The following TNNI3K variants were observed in gnomAD, a reference collection of about 807,000 sequenced individuals.
The protein encoded by TNNI3K is serine/threonine-protein kinase TNNI3K.
In TNNI3K, 140 loss-of-function variants were observed where a neutral mutation model predicts 114.5. That is an observed-to-expected ratio of 1.22 (90% CI 1.07 to 1.41). The LOEUF is 1.41. Among genes scored for constraint, TNNI3K ranks in the 40% most tolerant of loss-of-function variants. The pLI, the probability that TNNI3K is intolerant of heterozygous loss-of-function variation, is 0.00. For synonymous variants in TNNI3K, 347 were observed against 347.5 expected (o/e 1.00, Z 0.02); for missense variants, 1,125 against 1,007.6 (o/e 1.12, Z -1.58).
At chr1:74,424,619 T>C (rs1381337064) in intron 17 of TNNI3K, among the ~76,000 whole-genome samples, 1 of 149,882 alleles carries the variant, frequency 6.7e-6, no homozygotes, top group Non-Finnish European at 1.5e-5. Flanking sequence ...CTTGAGAGGC[T>C]GAGGCAAGAG....
chr1:74,423,610 G>A (rs1307120572), intron 17 of TNNI3K, among the ~76,000 whole-genome samples: 1 of 152,124 alleles, frequency 6.6e-6, no homozygotes, highest in Middle Eastern at 3.2e-3. Context: ...TAAATGAGAT[G>A]AGGCATTCAA....
Position 74,326,412 on chromosome 1 carries a change from CA to C in TNNI3K, c.445-5033del, listed in dbSNP as rs149430014. ...CAAATAAGTTAAAGTTATACTGTAGCAAAAACATTTAACAAGAAATAACAGT... is the reference window on the plus strand; with the variant it reads ...CAAATAAGTTAAAGTTATACTGTAGCAAAACATTTAACAAGAAATAACAGT... On this transcript the variant is annotated intron_variant, in intron 5 of 24. Transcript: ENST00000326637. Among the ~76,000 whole-genome samples the C allele has an allele frequency of 6.2e-3, 936 of 152,158 alleles. 11 individuals are homozygous for C. Among genetic ancestry groups the C allele is most frequent in the African/African-American group, 0.022 (896 of 41,502 alleles).
chr1:74,327,990 A>G (rs1426015256), intron 5 of TNNI3K, among the ~76,000 whole-genome samples: 1 of 151,958 alleles, frequency 6.6e-6, no homozygotes, highest in Non-Finnish European at 1.5e-5. Context: ...TAAAACTCCA[A>G]TAACAGGTCT....
intron 17 of TNNI3K, chr1:74,373,309 GT>G (rs1162540454): frequency 6.6e-6 from 1 of 151,926 alleles, no homozygotes; most frequent in Non-Finnish European, 1.5e-5. Context: ...TAAACGTAGA[GT>G]TTGAAGAACA....
chr1:74,311,096 G>GT (rs1157803327), intron 5 of TNNI3K, among the ~76,000 whole-genome samples: 2 of 151,964 alleles, frequency 1.3e-5, no homozygotes, highest in Non-Finnish European at 2.9e-5. Context: ...TTCATTTTTT[G>GT]TTTTTATTGT....
At chr1:74,382,826 C>G (rs1663270319) in intron 17 of TNNI3K, among the ~76,000 whole-genome samples, 1 of 152,142 alleles carries the variant, frequency 6.6e-6, no homozygotes, top group Non-Finnish European at 1.5e-5. Flanking sequence ...TGTCTGCCTT[C>G]TTTTCTTTTG....
intron 5 of TNNI3K, among the ~76,000 whole-genome samples, chr1:74,287,324 T>C (rs1446640668): frequency 1.3e-5 from 2 of 152,046 alleles, no homozygotes; most frequent in African/African-American, 2.4e-5. Flanking sequence ...ACAGAAAACT[T>C]TTCAAGTTTG....
intron 5 of TNNI3K, among the ~76,000 whole-genome samples, chr1:74,275,611 GA>G (rs1656635294): frequency 6.6e-6 from 1 of 152,020 alleles, no homozygotes; most frequent in Admixed American, 6.6e-5. Flanking sequence ...AAATAAGAGG[GA>G]TCTGGCCCAA....
At chr1:74,461,481 A>AG (rs1174440934) in intron 20 of TNNI3K, among the ~76,000 whole-genome samples, 1 of 146,356 alleles carries the variant, frequency 6.8e-6, no homozygotes, top group Non-Finnish European at 1.5e-5. Context: ...CTCTGTCTCG[A>AG]GAAAAAAAAA....
intron 5 of TNNI3K, among the ~76,000 whole-genome samples, chr1:74,277,985 C>G (rs765502993): frequency 1.4e-4 from 21 of 152,156 alleles, no homozygotes; most frequent in Admixed American, 1.1e-3. Flanking sequence ...TCAGTTCATT[C>G]TTTACTAAAT....
At chr1:74,294,260 A>G (rs1657848293) in intron 5 of TNNI3K, among the ~76,000 whole-genome samples, 1 of 151,996 alleles carries the variant, frequency 6.6e-6, no homozygotes, top group African/African-American at 2.4e-5. Flanking sequence ...AGAACAAATT[A>G]GAAAGTTCTA....
At chr1:74,410,504 A>T (rs565681449) in intron 17 of TNNI3K, among the ~76,000 whole-genome samples, 2 of 152,212 alleles carry the variant, frequency 1.3e-5, no homozygotes, top group Non-Finnish European at 2.9e-5. Flanking sequence ...AATTTCTAAA[A>T]GGATAAAATA....
In TNNI3K at chr1:74,367,194, G is replaced by A; in HGVS notation, c.1178-62G>A. 3 of 1,562,962 alleles carry A rather than the reference G, an allele frequency of 1.9e-6. No homozygotes were observed. The South Asian group carries it at 3.4e-5, about 18-fold the overall frequency. On this transcript the variant is annotated intron_variant, in intron 11 of 24. Transcript: ENST00000326637. ...TACTTCCAATAATTTTTGGATTTGA[G>A]AGTAGACTGAATAACTTAAACAAAA...
At chr1:74,364,827 A>C (rs1016466677) in intron 11 of TNNI3K, among the ~76,000 whole-genome samples, 10 of 152,076 alleles carry the variant, frequency 6.6e-5, no homozygotes, top group African/African-American at 2.4e-4. Context: ...AACTTGGAAA[A>C]GTCAAGGAAA....
chr1:74,442,566 G>A (rs1018696098), intron 20 of TNNI3K, among the ~76,000 whole-genome samples: 3 of 151,986 alleles, frequency 2.0e-5, no homozygotes, highest in East Asian at 1.9e-4. Flanking sequence ...CATCTTAACC[G>A]TGTTAGTCTT....
intron 20 of TNNI3K, among the ~76,000 whole-genome samples, chr1:74,440,637 A>G (rs558779448): frequency 2.0e-5 from 3 of 152,024 alleles, no homozygotes; most frequent in Non-Finnish European, 4.4e-5. Context: ...TGCTTTTCAC[A>G]GGTTATGTGC....
chr1:74,491,409 G>A (rs532161960), intron 22 of TNNI3K, among the ~76,000 whole-genome samples: 47 of 152,186 alleles, frequency 3.1e-4, no homozygotes, highest in African/African-American at 8.7e-4. Flanking sequence ...TATTAGAGAC[G>A]GGGTTTCACC....
At chr1:74,511,724 G>C (rs984391376) in intron 23 of TNNI3K, among the ~76,000 whole-genome samples, 32 of 152,106 alleles carry the variant, frequency 2.1e-4, no homozygotes, top group African/African-American at 7.7e-4. Context: ...CCATGTGTAG[G>C]AAGCCCTGTG....
intron 4 of TNNI3K, among the ~76,000 whole-genome samples, chr1:74,252,867 G>T (rs540073974): frequency 1.3e-5 from 2 of 152,176 alleles, no homozygotes; most frequent in East Asian, 3.9e-4. Context: ...GAACAACAAA[G>T]CTTCCAAAGT....
Sources: gnomAD v4.1 joint callset for allele counts (sites outside exome capture counted in the v4.1 genomes callset) on GRCh38, gnomAD v4.1.1 for gene constraint, MANE v1.5 for transcripts, NCBI Gene and HGNC (gene_info 2026-07-23, HGNC 2026-07-21) for gene names.